Variants in CTNNA3 observed in about 807,000 individuals in gnomAD.
CTNNA3 encodes the protein catenin alpha 3.
In CTNNA3, 76 loss-of-function variants were observed where a neutral mutation model predicts 95.7. The ratio of observed to expected loss-of-function variants is 0.79; its 90% confidence interval spans 0.66 to 0.96. The LOEUF is 0.96. Ranked by LOEUF, CTNNA3 falls within the 40% of genes least tolerant of loss-of-function variation. The pLI, the probability that CTNNA3 is intolerant of heterozygous loss-of-function variation, is 0.00. For synonymous variants in CTNNA3, 431 were observed against 374.4 expected (o/e 1.15, Z -1.74); for missense variants, 1,191 against 1,089.8 (o/e 1.09, Z -1.31).
intron 13 of CTNNA3, among the ~76,000 whole-genome samples, chr10:66,171,992 G>A (rs533925397): frequency 2.6e-4 from 39 of 152,146 alleles, no homozygotes; most frequent in African/African-American, 8.4e-4. Context: ...ATGGAATTAG[G>A]AACAAAATCA....
chr10:67,615,789 A>G (rs1398301310), intron 2 of CTNNA3, among the ~76,000 whole-genome samples: 2 of 150,902 alleles, frequency 1.3e-5, no homozygotes, highest in Admixed American at 6.6e-5. Flanking sequence ...CAGCCTCCCA[A>G]GTAGCTGGCA....
At chr10:67,258,059 G>A (rs1866434793) in intron 5 of CTNNA3, among the ~76,000 whole-genome samples, 1 of 152,160 alleles carries the variant, frequency 6.6e-6, no homozygotes, top group Admixed American at 6.5e-5. Context: ...ACAAGGATAA[G>A]TCCTTTCCTT....
chr10:65,970,764 AAT>A (rs1270188110), intron 16 of CTNNA3, among the ~76,000 whole-genome samples: 10 of 149,802 alleles, frequency 6.7e-5, no homozygotes, highest in Non-Finnish European at 1.0e-4. Flanking sequence ...CAACAACAGT[AAT>A]AAAGGACAAA....
chr10:67,645,927 T>TATATATATTCTTCATATATATATATATA (rs1382129204), intron 2 of CTNNA3, among the ~76,000 whole-genome samples: 1 of 147,734 alleles, frequency 6.8e-6, no homozygotes, highest in Non-Finnish European at 1.5e-5. Context: ...CTTGTTAATA[T>TATATATATTCTTCATATATATATATATA]ATATATATTC....
chr10:66,084,160 AAAAG>A (rs1564627100), intron 14 of CTNNA3, among the ~76,000 whole-genome samples: 3 of 141,492 alleles, frequency 2.1e-5, no homozygotes, highest in Non-Finnish European at 4.8e-5. Context: ...AAAAAAAAGA[AAAAG>A]AAAAAAAGAA....
chr10:66,016,967 A>C (rs1300174057), intron 15 of CTNNA3, among the ~76,000 whole-genome samples: 2 of 152,188 alleles, frequency 1.3e-5, no homozygotes, highest in Non-Finnish European at 2.9e-5. Context: ...CTTAAATAAA[A>C]ACTAATATCT....
chr10:66,783,946 G>T (rs1840639820), intron 7 of CTNNA3, among the ~76,000 whole-genome samples: 1 of 152,048 alleles, frequency 6.6e-6, no homozygotes, highest in South Asian at 2.1e-4. Context: ...CCAACAGTGG[G>T]TTTTATGGCG....
intron 1 of CTNNA3, among the ~76,000 whole-genome samples, chr10:67,762,063 A>G (rs181891238): frequency 6.6e-6 from 1 of 152,076 alleles, no homozygotes; most frequent in African/African-American, 2.4e-5. Context: ...ATTAAATGAC[A>G]ATGCTAAAGA....
intron 14 of CTNNA3, among the ~76,000 whole-genome samples, chr10:66,091,569 T>A (rs548505763): frequency 2.6e-4 from 40 of 152,046 alleles, no homozygotes; most frequent in African/African-American, 9.4e-4. Flanking sequence ...CTTCATTGAA[T>A]TTGCTATCTA....
chr10:67,349,151 T>C (rs2394365), intron 5 of CTNNA3, among the ~76,000 whole-genome samples: 135,158 of 152,142 alleles, frequency 0.89, 61,146 homozygotes, highest in East Asian at 1. Context: ...CATGAAGTTT[T>C]TTTAAAAATT....
intron 5 of CTNNA3, among the ~76,000 whole-genome samples, chr10:67,373,778 C>T (rs974456324): frequency 2.6e-5 from 4 of 152,062 alleles, no homozygotes; most frequent in Non-Finnish European, 5.9e-5. Context: ...TGGAAAGATA[C>T]ATAAGAAACA....
At chr10:67,525,644 T>C (rs1840118206) in intron 4 of CTNNA3, among the ~76,000 whole-genome samples, 1 of 152,038 alleles carries the variant, frequency 6.6e-6, no homozygotes, top group Admixed American at 6.5e-5. Context: ...CACGAAGAAA[T>C]AGGCTGAAAC....
chr10:67,168,956 G>A (rs1267428088), intron 7 of CTNNA3, among the ~76,000 whole-genome samples: 1 of 152,010 alleles, frequency 6.6e-6, no homozygotes, highest in Non-Finnish European at 1.5e-5. Context: ...AAACAAAATT[G>A]ACTTACAAAA....
intron 7 of CTNNA3, among the ~76,000 whole-genome samples, chr10:67,017,629 GT>G (rs1852736638): frequency 6.6e-6 from 1 of 152,060 alleles, no homozygotes; most frequent in African/African-American, 2.4e-5. Flanking sequence ...TAGTTCTAAT[GT>G]TTGGAAGTGG....
At chr10:67,692,602 C>T (rs1198938008) in intron 1 of CTNNA3, among the ~76,000 whole-genome samples, 6 of 135,114 alleles carry the variant, frequency 4.4e-5, no homozygotes, top group East Asian at 4.1e-4. Context: ...ACAAACACTG[C>T]GGAAGGCCGC....
At chr10:66,248,747 C>A (rs2090438101) in intron 13 of CTNNA3, among the ~76,000 whole-genome samples, 1 of 152,024 alleles carries the variant, frequency 6.6e-6, no homozygotes, top group Non-Finnish European at 1.5e-5. Flanking sequence ...ATATAAATTG[C>A]AAATATTCTT....
intron 7 of CTNNA3, among the ~76,000 whole-genome samples, chr10:66,897,174 T>G (rs1480083891): frequency 2.6e-5 from 4 of 152,124 alleles, no homozygotes. Context: ...ATTGTTATAA[T>G]ATATTATTCC....
At chr10:67,398,762 C>T (rs1470504550) in intron 5 of CTNNA3, among the ~76,000 whole-genome samples, 1 of 152,138 alleles carries the variant, frequency 6.6e-6, no homozygotes, top group African/African-American at 2.4e-5. Context: ...TACCTCTACA[C>T]TGTTGCTTTC....
At position 66,558,988 on chromosome 10, in the gene CTNNA3, C is replaced by A. The variant is rs79149768; in HGVS notation, c.1375-38215G>T. Among the ~76,000 whole-genome samples the A allele has an allele frequency of 1.6e-3, 246 of 152,158 alleles. 1 individual carries two copies. Among genetic ancestry groups the A allele is most frequent in the African/African-American group, 5.8e-3 (242 of 41,542 alleles). On this transcript the variant is annotated intron_variant, in intron 10 of 17. Transcript: ENST00000433211. ...ATGGTCTTCACTCTTCACATCTGTT[C>A]CATAAATCAGTAAATGGCATCATCA... is the stretch of plus-strand genomic sequence containing the variant.
Sources: gnomAD v4.1 joint callset for allele counts (sites outside exome capture counted in the v4.1 genomes callset) on GRCh38, gnomAD v4.1.1 for gene constraint, MANE v1.5 for transcripts, NCBI Gene and HGNC (gene_info 2026-07-23, HGNC 2026-07-21) for gene names.